The following TASOR2 variants were observed in gnomAD, a reference collection of about 807,000 sequenced individuals.
The protein encoded by TASOR2 is transcription activation suppressor family member 2.
Under a neutral mutation model 199.5 loss-of-function variants are expected in TASOR2, and 84 were observed. The observed-to-expected ratio is 0.42, with a 90% CI of 0.35 to 0.50. TASOR2 has a LOEUF of 0.50. Ranked by LOEUF, TASOR2 falls within the 20% of genes least tolerant of loss-of-function variation. TASOR2 has a pLI of 0.02. For missense variants in TASOR2, 2,796 were observed against 2,835.9 expected (o/e 0.99, Z 0.32); for synonymous variants, 1,103 against 1,046.6 (o/e 1.05, Z -1.04).
At chr10:5,702,440 C>T (rs1192984566) in intron 1 of TASOR2, among the ~76,000 whole-genome samples, 1 of 152,050 alleles carries the variant, frequency 6.6e-6, no homozygotes, top group Non-Finnish European at 1.5e-5. Flanking sequence ...GTGTTAGTAT[C>T]AGAGTAATGT....
In TASOR2 at chr10:5,722,816, T is replaced by C. The variant is rs1157600999; in HGVS notation, c.147-861T>C. Among the ~76,000 whole-genome samples the C allele has an allele frequency of 6.6e-6, 1 of 151,958 alleles. No individual in the cohort carries two copies. The highest frequency in any genetic ancestry group is 2.4e-5 in the African/African-American group (1 of 41,410). ...TGAGGTCAGGAGTTGGAAACCAGCC[T>C]GGCCAATACGGTGAAACGCTGTCTC... On this transcript the variant is annotated intron_variant, in intron 6 of 20. Transcript: ENST00000328090. The surrounding 1 kb of genome is among the most constrained non-coding windows in gnomAD (Gnocchi z 4.0).
exon 15 of TASOR2, chr10:5,749,622 C>G (rs1837735097): frequency 6.2e-7 from 1 of 1,614,036 alleles, no homozygotes; most frequent in African/African-American, 1.3e-5. Flanking sequence ...ACAGCTCTTC[C>G]TCTTGGAGAG....
exon 15 of TASOR2, chr10:5,749,300 G>T (rs779687929): frequency 6.2e-7 from 1 of 1,614,224 alleles, no homozygotes; most frequent in Non-Finnish European, 8.5e-7. Context: ...CCCAGCTCCT[G>T]GACAAGCACT....
chr10:5,692,226 A>C (rs1006975794), intron 1 of TASOR2, among the ~76,000 whole-genome samples: 2 of 151,788 alleles, frequency 1.3e-5, no homozygotes, highest in Non-Finnish European at 2.9e-5. Flanking sequence ...TATTATCTAC[A>C]TAGTAAATTT....
rs182606761 is a variant in TASOR2, at chr10:5,721,968, C to A, written c.146+998C>A. Among the ~76,000 whole-genome samples, 713 of 152,108 alleles carry A rather than the reference C, an allele frequency of 4.7e-3. 6 individuals are homozygous for A. Among genetic ancestry groups the A allele is most frequent in the African/African-American group, 0.016 (669 of 41,434 alleles). On this transcript the variant is annotated intron_variant, in intron 6 of 20. Transcript: ENST00000328090. ...GTAAAGAAAAGACTGAAAAACTGTT[C>A]CAGATTAAAGGAGACTAAAGAGACG... is the stretch of plus-strand genomic sequence containing the variant.
In TASOR2 at chr10:5,761,484, C is replaced by T. The variant is rs530656058; in HGVS notation, c.7174+13C>T. On this transcript the variant is annotated intron_variant, in intron 19 of 20. Transcript: ENST00000328090. ...GTCCTCCTAACAGGTAATTCACAGG[C>T]GCATTTTACTCAGTTAATGCCAAAA... The T allele has an allele frequency of 4.0e-5, 64 of 1,606,166 alleles. No homozygotes were observed. The highest frequency in any genetic ancestry group is 4.5e-5 in the East Asian group (2 of 44,840).
rs1423525770 is a variant in TASOR2, at chr10:5,762,255, A to T, written c.7175-277A>T. On this transcript the variant is annotated intron_variant, in intron 19 of 20. Coordinates refer to ENST00000328090, the Ensembl canonical transcript of TASOR2. ...CAGAACAAGACCCTATCTATCTTTA[A>T]AAAAAAAAAAAAAAAAGTGTTAAGA... Among the ~76,000 whole-genome samples the T allele has an allele frequency of 3.2e-3, 13 of 4,044 alleles. No homozygotes were observed. The Admixed American group carries it at 0.041, about 13-fold the overall frequency. 2.7% of individuals were successfully genotyped at this position (4,044 alleles called of 152,430 possible).
rs1407455209 is a variant in TASOR2, at chr10:5,731,024, C to G, written c.1025C>G (p.Ala342Gly). 1.9e-6 allele frequency: 3 copies of G among 1,614,066 alleles called. No homozygotes were observed. The East Asian group carries it at 6.7e-5, about 36-fold the overall frequency. Residue 342 changes from alanine (A) to glycine (G), a missense_variant, in exon 11 of 21, where the codon GCG (alanine) becomes GGG (glycine). This residue lies in a region of TASOR2 where 847 missense variants were observed against 887.4 expected (regional missense o/e 0.95). Transcript: ENST00000328090. ...AAGAGAGTTTTTCCATTGAGTCCAG[C>G]GTCAAATCTGAGAGTGCAGCCTAAG...
chr10:5,739,586 C>A (rs753791133), intron 12 of TASOR2, 32 bp from the exon 14 acceptor site: 2 of 1,576,760 alleles, frequency 1.3e-6, no homozygotes, highest in South Asian at 2.3e-5. Flanking sequence ...GACAAGCAAA[C>A]ATCTCTCTTT....
chr10:5,762,627 C>A, exon 20 of TASOR2: 1 of 1,447,534 alleles, frequency 6.9e-7, no homozygotes. Flanking sequence ...AATAGCAGCT[C>A]CATTTAGGAG....
rs1831730205 is a variant in TASOR2 at position 5,710,171 on chromosome 10, A to G, written c.-287-2652A>G. ...TTTTGTAAAGAAGGGAGAGCGTCAA[A>G]TTTCTAGATGAAATTTTCATCTGTC... On this transcript the variant is annotated intron_variant, in intron 1 of 20. Coordinates refer to ENST00000328090, the Ensembl canonical transcript of TASOR2. This position sits in a 1 kb window ranked among gnomAD's most constrained non-coding sequence, Gnocchi z 4.6. Among the ~76,000 whole-genome samples, 1 of 152,044 alleles carries G rather than the reference A, an allele frequency of 6.6e-6. No individual in the cohort carries two copies. Among genetic ancestry groups the G allele is most frequent in the South Asian group, 2.1e-4 (1 of 4,824 alleles).
At chr10:5,749,591 G>A in exon 15 of TASOR2, 1 of 1,614,124 alleles carries the variant, frequency 6.2e-7, no homozygotes, top group South Asian at 1.1e-5. Context: ...CCCAGGAGAG[G>A]CTACACAGCC....
At position 5,689,241 on chromosome 10, in the gene TASOR2, T is replaced by A. The variant is rs1167442802; in HGVS notation, c.-288+4066T>A. On this transcript the variant is annotated intron_variant, in intron 1 of 20. Transcript: ENST00000328090. This position sits in a 1 kb window ranked among gnomAD's most constrained non-coding sequence, Gnocchi z 4.1. ...ATCAGTCTATCAATTCATTTTGTTCTGACTGTTTTTTGTGGGTTCTTTTGT... is the reference window on the plus strand; with the variant it reads ...ATCAGTCTATCAATTCATTTTGTTCAGACTGTTTTTTGTGGGTTCTTTTGT... Among the ~76,000 whole-genome samples the A allele has an allele frequency of 6.6e-6, 1 of 152,248 alleles. No individual in the cohort carries two copies. Among genetic ancestry groups the A allele is most frequent in the Non-Finnish European group, 1.5e-5 (1 of 68,046 alleles).
At chr10:5,691,238 G>A (rs867174786) in intron 1 of TASOR2, among the ~76,000 whole-genome samples, 1 of 151,844 alleles carries the variant, frequency 6.6e-6, no homozygotes, top group Non-Finnish European at 1.5e-5. Context: ...AAAAAGTATG[G>A]TCTCTAAAGA....
Position 5,742,586 on chromosome 10 carries a change from A to G in TASOR2, c.2757+60A>G, listed in dbSNP as rs1836596289. ...TATTTTTGAAGAAAAAAATGTTTAT[A>G]TGTAAAATCACATTCAAAACAAGGC... On this transcript the variant is annotated intron_variant, in intron 14 of 20. Transcript: ENST00000328090. The surrounding 1 kb of genome is among the most constrained non-coding windows in gnomAD (Gnocchi z 4.2). The G allele has an allele frequency of 6.8e-7, 1 of 1,471,508 alleles. No homozygotes were observed. The highest frequency in any genetic ancestry group is 9.3e-7 in the Non-Finnish European group (1 of 1,079,102). The allele number at this position is 1,471,508 out of a possible 1,614,324, so 91.2% of individuals were successfully genotyped here.
At chr10:5,747,771 A>G in exon 15 of TASOR2, 1 of 1,614,124 alleles carries the variant, frequency 6.2e-7, no homozygotes, top group Non-Finnish European at 8.5e-7. Flanking sequence ...GCATAACAGA[A>G]AAAGAAAATG....
chr10:5,748,542 C>A lies in TASOR2; in HGVS notation c.5121C>A (p.Thr1707=). Residue 1707 remains threonine (T), a synonymous_variant, in exon 15 of 21, where the codon ACC becomes ACA. Coordinates refer to ENST00000328090, the Ensembl canonical transcript of TASOR2. This position sits in a 1 kb window ranked among gnomAD's most constrained non-coding sequence, Gnocchi z 5.1. ...CTGAAGCTGAGTTACATAAAGAAACCACAGGTCCAGGCACTGCTGGCCCTC... is the reference window on the plus strand; with the variant it reads ...CTGAAGCTGAGTTACATAAAGAAACAACAGGTCCAGGCACTGCTGGCCCTC... The A allele has an allele frequency of 6.2e-7, 1 of 1,613,478 alleles. No homozygotes were observed. The highest frequency in any genetic ancestry group is 8.5e-7 in the Non-Finnish European group (1 of 1,180,034).
intron 1 of TASOR2, among the ~76,000 whole-genome samples, chr10:5,711,666 A>C (rs757645729): frequency 1.4e-4 from 21 of 152,130 alleles, no homozygotes; most frequent in Non-Finnish European, 3.1e-4. Context: ...TCCAGTCGGT[A>C]ATTCTCAATT....
At chr10:5,703,855 C>T (rs891197703) in intron 1 of TASOR2, among the ~76,000 whole-genome samples, 1 of 151,978 alleles carries the variant, frequency 6.6e-6, no homozygotes. Context: ...GTGATGTTAC[C>T]TTAAAATGTT....
Sources: allele counts gnomAD v4.1 joint callset (sites outside exome capture counted in the v4.1 genomes callset), GRCh38; gene constraint gnomAD v4.1.1; regional missense constraint gnomAD v4.1.1; non-coding constraint Gnocchi (gnomAD v3.1); transcripts MANE v1.5; gene names NCBI Gene and HGNC (gene_info 2026-07-23, HGNC 2026-07-21).